NOVA1: variants seen among roughly 807,000 people sequenced by gnomAD.
NOVA1 encodes the protein RNA-binding protein Nova-1.
In NOVA1, 7 loss-of-function variants were observed where a neutral mutation model predicts 38.0. The ratio of observed to expected loss-of-function variants is 0.18; its 90% CI spans 0.10 to 0.35. The LOEUF is 0.35. Ranked by LOEUF, NOVA1 falls within the 10% of genes least tolerant of loss-of-function variation. The pLI, the probability that NOVA1 is intolerant of heterozygous loss-of-function variation, is 1.00. For missense variants in NOVA1, 460 were observed against 616.0 expected (o/e 0.75, Z 2.68); for synonymous variants, 270 against 232.5 (o/e 1.16, Z -1.47).
intron 2 of NOVA1, among the ~76,000 whole-genome samples, chr14:26,585,364 T>C (rs1216193265): frequency 6.6e-6 from 1 of 151,392 alleles, no homozygotes; most frequent in Non-Finnish European, 1.5e-5. Context: ...ATTTTTTATT[T>C]TTCTTGGCAC....
At chr14:26,587,583 T>A (rs9323839) in intron 2 of NOVA1, among the ~76,000 whole-genome samples, 87,415 of 150,698 alleles carry the variant, frequency 0.58, 30,496 homozygotes, top group Non-Finnish European at 0.75. Flanking sequence ...AAAGAAATCA[T>A]CATCATAGAA....
intron 2 of NOVA1, among the ~76,000 whole-genome samples, chr14:26,482,412 C>A (rs1023630984): frequency 6.6e-6 from 1 of 152,052 alleles, no homozygotes; most frequent in African/African-American, 2.4e-5. Context: ...TCAGAAAACA[C>A]AAAACCGTAA....
rs960948077 is a variant in NOVA1 at position 26,597,128 on chromosome 14, G to A, written c.136+173C>T. 2.9e-5 allele frequency: 35 copies of A among 1,228,050 alleles called. No individual in the cohort carries two copies. The African/African-American group carries it at 4.8e-4, about 17-fold the overall frequency. The allele number at this position is 1,228,050 out of a possible 1,614,324, so 76.1% of individuals were successfully genotyped here. A position where few individuals can be genotyped will look rare whatever the true frequency, so the allele number is the denominator to read the frequency against. On this transcript the variant is annotated intron_variant, in intron 1 of 4. Transcript: ENST00000539517. ...TGTGTCGGGGACACCTAGGCGCGGGGCAGGTGCAGGGGAGGGGGCGCGGGG... is the reference window on the plus strand; with the variant it reads ...TGTGTCGGGGACACCTAGGCGCGGGACAGGTGCAGGGGAGGGGGCGCGGGG...
chr14:26,533,517 T>C (rs1378218994), intron 2 of NOVA1, among the ~76,000 whole-genome samples: 1 of 152,234 alleles, frequency 6.6e-6, no homozygotes, highest in Non-Finnish European at 1.5e-5. Flanking sequence ...CTAATTTGTA[T>C]ACATTACTCT....
At chr14:26,499,464 T>C (rs1276763401) in intron 2 of NOVA1, among the ~76,000 whole-genome samples, 2 of 152,132 alleles carry the variant, frequency 1.3e-5, no homozygotes, top group East Asian at 3.9e-4. Context: ...GAGGTATCCA[T>C]ATTGAAAAGA....
intron 2 of NOVA1, among the ~76,000 whole-genome samples, chr14:26,484,457 A>AAAAAAAAAC (rs1175375616): frequency 1.9e-5 from 2 of 102,586 alleles, no homozygotes; most frequent in African/African-American, 6.8e-5. Context: ...AAAAAAAAAA[A>AAAAAAAAAC]AAAAAGAAAT....
At chr14:26,535,407 CAAT>C (rs1311282298) in intron 2 of NOVA1, among the ~76,000 whole-genome samples, 1 of 151,986 alleles carries the variant, frequency 6.6e-6, no homozygotes, top group East Asian at 1.9e-4. Context: ...AGAAATGTAG[CAAT>C]ATACCAGAAT....
chr14:26,551,855 C>A (rs939764623), intron 2 of NOVA1, among the ~76,000 whole-genome samples: 1 of 151,908 alleles, frequency 6.6e-6, no homozygotes, highest in African/African-American at 2.4e-5. Flanking sequence ...ACCATTCATA[C>A]ATACATATCC....
chr14:26,590,593 A>C (rs187589193), intron 2 of NOVA1, among the ~76,000 whole-genome samples: 2 of 151,988 alleles, frequency 1.3e-5, no homozygotes, highest in African/African-American at 2.4e-5. Context: ...CATAAAATAC[A>C]TAAGTTTTTC....
At position 26,448,979 on chromosome 14, in the gene NOVA1, A is replaced by G; in HGVS notation, c.520-16T>C. 2 of 1,577,390 alleles carry G rather than the reference A, an allele frequency of 1.3e-6. No homozygotes were observed. The highest frequency in any genetic ancestry group is 1.1e-5 in the South Asian group (1 of 87,734). On this transcript the variant is annotated splice_polypyrimidine_tract_variant and intron_variant, in intron 4 of 4. Coordinates refer to ENST00000539517, the MANE Select transcript of NOVA1 (RefSeq NM_002515.3). This position sits in a 1 kb window ranked among gnomAD's most constrained non-coding sequence, Gnocchi z 5.3. ...TAATCTTTACCTGTAATTAAAAAAAATACGTATAAATAATACTTCTGTTTT... is the reference window on the plus strand; with the variant it reads ...TAATCTTTACCTGTAATTAAAAAAAGTACGTATAAATAATACTTCTGTTTT...
At chr14:26,543,937 AGATT>A (rs78503080) in intron 2 of NOVA1, among the ~76,000 whole-genome samples, 6,225 of 152,020 alleles carry the variant, frequency 0.041, 180 homozygotes, top group South Asian at 0.096. Flanking sequence ...GGCAGCTTAT[AGATT>A]GATTGAGAAG....
chr14:26,589,834 T>C (rs1168740757), intron 2 of NOVA1, among the ~76,000 whole-genome samples: 1 of 151,824 alleles, frequency 6.6e-6, no homozygotes, highest in East Asian at 1.9e-4. Flanking sequence ...AATATTTCCA[T>C]ATTAAAGACG....
At chr14:26,454,167 GA>G (rs572689324) in intron 4 of NOVA1, among the ~76,000 whole-genome samples, 41 of 146,848 alleles carry the variant, frequency 2.8e-4, no homozygotes, top group East Asian at 7.9e-4. Context: ...AAAATGCAAA[GA>G]AAAAAAAAAC....
intron 2 of NOVA1, among the ~76,000 whole-genome samples, chr14:26,536,294 A>C (rs1890094571): frequency 6.6e-6 from 1 of 152,050 alleles, no homozygotes; most frequent in South Asian, 2.1e-4. Flanking sequence ...CTACTATTTG[A>C]TAGTATAATA....
At position 26,549,087 on chromosome 14, in the gene NOVA1, G is replaced by T. The variant is rs183655978; in HGVS notation, c.280+46323C>A. ...CAGGAAGATCGCTTAAGCCCAAGAG[G>T]TTGAGGCTGCAGTGAGCCATGATCA... is the stretch of plus-strand genomic sequence containing the variant. On this transcript the variant is annotated intron_variant, in intron 2 of 4. Transcript: ENST00000539517. 2.1e-3 allele frequency among the ~76,000 whole-genome samples: 313 copies of T among 152,212 alleles called. 2 individuals carry two copies. The highest frequency in any genetic ancestry group is 7.2e-3 in the African/African-American group (301 of 41,524).
intron 2 of NOVA1, among the ~76,000 whole-genome samples, chr14:26,588,226 G>A (rs1246515552): frequency 6.7e-6 from 1 of 150,260 alleles, no homozygotes; most frequent in African/African-American, 2.4e-5. Flanking sequence ...TTAAATTATT[G>A]AGTCTGCAAT....
chr14:26,560,073 TATA>T (rs1310078649), intron 2 of NOVA1, among the ~76,000 whole-genome samples: 1 of 152,044 alleles, frequency 6.6e-6, no homozygotes, highest in Non-Finnish European at 1.5e-5. Context: ...TCAATTAAAA[TATA>T]ATGTTTAAAG....
At chr14:26,579,772 A>C (rs576138763) in intron 2 of NOVA1, among the ~76,000 whole-genome samples, 1 of 152,300 alleles carries the variant, frequency 6.6e-6, no homozygotes, top group African/African-American at 2.4e-5. Flanking sequence ...AGATACGTTT[A>C]GTAGAATTAC....
At chr14:26,492,700 G>T (rs1886435440) in intron 2 of NOVA1, among the ~76,000 whole-genome samples, 1 of 152,140 alleles carries the variant, frequency 6.6e-6, no homozygotes, top group Non-Finnish European at 1.5e-5. Context: ...GGGCACGGTG[G>T]TTCACGCCTG....
Sources: gnomAD v4.1 joint callset for allele counts (sites outside exome capture counted in the v4.1 genomes callset) on GRCh38, gnomAD v4.1.1 for gene constraint, Gnocchi (gnomAD v3.1) non-coding constraint, MANE v1.5 for transcripts, NCBI Gene and HGNC (gene_info 2026-07-23, HGNC 2026-07-21) for gene names.